The following FBXO39 variants were observed in gnomAD, a reference collection of about 807,000 sequenced individuals.
The protein encoded by FBXO39 is F-box protein 39, also known as F-box only protein 39.
In FBXO39, 22 loss-of-function variants were observed where a neutral mutation model predicts 36.6. That is an observed-to-expected ratio of 0.60 (90% confidence interval 0.43 to 0.86). FBXO39 has a LOEUF of 0.86. FBXO39 is among the 40% of genes least tolerant of loss of function. The probability of loss-of-function intolerance (pLI) is 0.00; values close to 1 mark genes in which losing one functional copy is unlikely to be tolerated. For missense variants in FBXO39, 536 were observed against 543.9 expected, an observed-to-expected ratio of 0.99 and a Z score of 0.14; for synonymous variants, 206 against 205.8, an observed-to-expected ratio of 1.00 and a Z score of -0.01.
At chr17:6,779,678 C>T in intron 1 of FBXO39, 111 bp from the exon 2 acceptor site, 1 of 609,416 alleles carries the variant, frequency 1.6e-6, no homozygotes, top group South Asian at 2.1e-5. Context: ...ATCATTGAAC[C>T]ACCCACACCT....
rs754209458 is a variant in FBXO39, at chr17:6,787,223, C to CGT, written c.1201-64_1201-63dup. The CGT allele has an allele frequency of 1.2e-3, 1,605 of 1,394,236 alleles. 3 individuals carry two copies. Among genetic ancestry groups the CGT allele is most frequent in the African/African-American group, 2.5e-3 (155 of 62,316 alleles). 86.4% of individuals were successfully genotyped at this position (1,394,236 alleles called of 1,614,324 possible). A position where few individuals can be genotyped will look rare whatever the true frequency, so the allele number is the denominator to read the frequency against. On this transcript the variant is annotated intron_variant, in intron 3 of 3. Coordinates refer to ENST00000321535, the MANE Select transcript of FBXO39 (RefSeq NM_153230.3). ...GTCAAGCCCTGAAAAGTGTAGTCAC[C>CGT]GTGTGTGTGTGTGTATGTGTGTGTG...
chr17:6,782,525 A>G (rs1023902150), intron 2 of FBXO39, among the ~76,000 whole-genome samples: 3 of 152,212 alleles, frequency 2.0e-5, no homozygotes, highest in Non-Finnish European at 4.4e-5. Context: ...GCTGCCTACA[A>G]GTAACACATT....
chr17:6,787,529 CT>C lies in FBXO39; in HGVS notation c.*102del. The C allele has an allele frequency of 3.6e-6, 5 of 1,399,002 alleles. No individual in the cohort carries two copies. Among genetic ancestry groups the C allele is most frequent in the East Asian group, 2.4e-5 (1 of 41,054 alleles). The allele number at this position is 1,399,002 out of a possible 1,614,324, so 86.7% of individuals were successfully genotyped here. A position where few individuals can be genotyped will look rare whatever the true frequency, so the allele number is the denominator to read the frequency against. On this transcript the variant is annotated 3_prime_UTR_variant, in exon 4 of 4. Transcript: ENST00000321535. ...ACTGCCGGCCCTTTTGCTCCTCTCT[CT>C]CCCCTCCACTTTTTTTTTTTGTCAG...
intron 1 of FBXO39, among the ~76,000 whole-genome samples, chr17:6,778,133 C>T (rs8069781): frequency 2.0e-4 from 31 of 152,206 alleles, no homozygotes; most frequent in African/African-American, 7.5e-4. Flanking sequence ...GGGTTCTATT[C>T]AGCTGCTAGA....
rs1286247295 is a variant in FBXO39 at position 6,777,182 on chromosome 17, G to T, written c.-81+910G>T. On this transcript the variant is annotated intron_variant, in intron 1 of 3. Coordinates refer to ENST00000321535, the MANE Select transcript of FBXO39 (RefSeq NM_153230.3). ...AGGTATACATGTGCCATGGTGGTTTGCTGCACCCATCAACCTGTCATCTAG... is the reference window on the plus strand; with the variant it reads ...AGGTATACATGTGCCATGGTGGTTTTCTGCACCCATCAACCTGTCATCTAG... 2.0e-5 allele frequency among the ~76,000 whole-genome samples: 3 copies of T among 152,030 alleles called. No homozygotes were observed. The East Asian group carries it at 5.8e-4, about 29-fold the overall frequency.
chr17:6,783,226 G>A (rs1224779001), intron 2 of FBXO39, among the ~76,000 whole-genome samples: 1 of 152,014 alleles, frequency 6.6e-6, no homozygotes, highest in Non-Finnish European at 1.5e-5. Flanking sequence ...CAAACAATAT[G>A]CAGACACAGC....
In FBXO39 at chr17:6,786,818, C is replaced by T. The variant is rs778328799; in HGVS notation, c.1062C>T (p.Leu354=). 6.2e-6 allele frequency: 10 copies of T among 1,612,240 alleles called. No individual in the cohort carries two copies. The highest frequency in any genetic ancestry group is 8.5e-6 in the Non-Finnish European group (10 of 1,179,330). The change falls in exon 3 of 4, where the codon CTC becomes CTT. Residue 354 remains leucine, a synonymous_variant. Coordinates refer to ENST00000321535, the MANE Select transcript of FBXO39 (RefSeq NM_153230.3). The stretch of plus-strand genomic sequence containing the variant: ...AATTCAACAACAACCATGAGTCACT[C>T]GACGAGGAGCTGCACCTCCTCATCA... The part of the protein sequence containing the change: ...TCEFNNNHES[L]DEELHLLIIS...
chr17:6,779,772 C>T lies in FBXO39; in HGVS notation c.-80-17C>T. 2 of 1,320,274 alleles carry T rather than the reference C, an allele frequency of 1.5e-6. No homozygotes were observed. Among genetic ancestry groups the T allele is most frequent in the Non-Finnish European group, 2.1e-6 (2 of 961,818 alleles). The allele number at this position is 1,320,274 out of a possible 1,614,324, so 81.8% of individuals were successfully genotyped here. A position where few individuals can be genotyped will look rare whatever the true frequency, so the allele number is the denominator to read the frequency against. Reference sequence around the variant, plus strand: ...TCTGTTTGACAGGTAATGGCTCTTCCTTTTTATTCCCCACAGAAAGCAAGT... The same window carrying T: ...TCTGTTTGACAGGTAATGGCTCTTCTTTTTTATTCCCCACAGAAAGCAAGT... On this transcript the variant is annotated splice_polypyrimidine_tract_variant and intron_variant, in intron 1 of 3. Coordinates refer to ENST00000321535, the MANE Select transcript of FBXO39 (RefSeq NM_153230.3).
intron 2 of FBXO39, among the ~76,000 whole-genome samples, chr17:6,785,301 A>C (rs1219082471): frequency 6.6e-6 from 1 of 152,182 alleles, no homozygotes; most frequent in Non-Finnish European, 1.5e-5. Flanking sequence ...ATGCAGAAGA[A>C]TGAAACTAGA....
At chr17:6,785,690 A>G (rs1848551) in intron 2 of FBXO39, among the ~76,000 whole-genome samples, 102,150 of 151,968 alleles carry the variant, frequency 0.67, 35,177 homozygotes, top group African/African-American at 0.84. Context: ...AATAGGCAAA[A>G]GACTTGAACA....
rs1229499125 is a variant in FBXO39 at position 6,780,682 on chromosome 17, TC to T, written c.816del (p.Trp273GlyfsTer11). On this transcript the variant is annotated frameshift_variant, in exon 2 of 4. Coordinates refer to ENST00000321535, the MANE Select transcript of FBXO39 (RefSeq NM_153230.3). LOFTEE classifies it high-confidence loss of function. The stretch of plus-strand genomic sequence containing the variant: ...CCACGGACAGGTCATCTGGGGTATG[TC>T]CTGGGCCAAGCTGGCCAGGCAGGCC... ...DPHGQVIWGMSWAKLARQATN... is the reference protein window; with the variant it reads ...DPHGQVIWGMXWAKLARQATN... The T allele has an allele frequency of 6.2e-7, 1 of 1,614,162 alleles. No homozygotes were observed. The highest frequency in any genetic ancestry group is 8.5e-7 in the Non-Finnish European group (1 of 1,180,020).
At chr17:6,785,996 T>C (rs1976565556) in intron 2 of FBXO39, among the ~76,000 whole-genome samples, 1 of 152,214 alleles carries the variant, frequency 6.6e-6, no homozygotes, top group African/African-American at 2.4e-5. Flanking sequence ...GCAATCCCAC[T>C]GCTAGGTGTA....
chr17:6,781,395 A>C (rs1976507595), intron 2 of FBXO39, among the ~76,000 whole-genome samples: 1 of 152,166 alleles, frequency 6.6e-6, no homozygotes. Flanking sequence ...CGAAGAGCTC[A>C]GAGTTTCTGG....
intron 2 of FBXO39, among the ~76,000 whole-genome samples, chr17:6,782,594 C>T (rs911641679): frequency 6.6e-5 from 10 of 151,832 alleles, no homozygotes; most frequent in African/African-American, 2.2e-4. Context: ...TATTTAATGC[C>T]GATGGAAACC....
chr17:6,787,599 A>G lies in FBXO39; in HGVS notation c.*171A>G, dbSNP rs1976592670. 2 of 652,332 alleles carry G rather than the reference A, an allele frequency of 3.1e-6. No individual in the cohort carries two copies. Among genetic ancestry groups the G allele is most frequent in the East Asian group, 3.0e-5 (1 of 33,764 alleles). 40.4% of individuals were successfully genotyped at this position (652,332 alleles called of 1,614,324 possible). ...AGCTCAGCAAAGGCTGAGACTGCCC[A>G]TGACCTGAAGGCTCCAGGTGGCTTT... On this transcript the variant is annotated 3_prime_UTR_variant, in exon 4 of 4. Transcript: ENST00000321535.
rs1976493338 is a variant in FBXO39, at chr17:6,780,447, T to C, written c.579T>C (p.Asn193=). ...CCCTCAGCTACATGAGGAATGAGAA[T>C]GTGATCTCAGAGCTCAACATCGAGG... ...LDSLSYMRNE[N]VISELNIEDY... Residue 193 remains asparagine (N), a synonymous_variant, in exon 2 of 4, where the codon AAT becomes AAC. Transcript: ENST00000321535. The C allele has an allele frequency of 6.2e-7, 1 of 1,614,050 alleles. No homozygotes were observed. The highest frequency in any genetic ancestry group is 1.3e-5 in the African/African-American group (1 of 74,906).
intron 2 of FBXO39, among the ~76,000 whole-genome samples, chr17:6,781,779 A>G (rs1198409161): frequency 6.6e-6 from 1 of 152,134 alleles, no homozygotes; most frequent in East Asian, 1.9e-4. Flanking sequence ...TAAGAACTAC[A>G]TGTCCAATGT....
chr17:6,784,953 G>GTGTGTGTGTGTATATATATATA (rs1302291142), intron 2 of FBXO39, among the ~76,000 whole-genome samples: 2 of 113,830 alleles, frequency 1.8e-5, no homozygotes, highest in African/African-American at 7.3e-5. Flanking sequence ...GTGTGTGTGT[G>GTGTGTGTGTGTATATATATATA]TATATATATA....
chr17:6,776,449 A>G (rs1173868410), intron 1 of FBXO39, among the ~76,000 whole-genome samples, 177 bp downstream of exon 1: 1 of 6,980 alleles, frequency 1.4e-4, no homozygotes, highest in Non-Finnish European at 3.3e-4. Flanking sequence ...TGCCAGGCCA[A>G]CTCCCCCTCC....
Sources: allele counts gnomAD v4.1 joint callset (sites outside exome capture counted in the v4.1 genomes callset), GRCh38; gene constraint gnomAD v4.1.1; transcripts MANE v1.5; gene names NCBI Gene and HGNC (gene_info 2026-07-23, HGNC 2026-07-21).